PLPPR1: variants seen among roughly 807,000 people sequenced by gnomAD.
PLPPR1 encodes the protein phospholipid phosphatase related 1.
In PLPPR1, 10 loss-of-function variants were observed where a neutral mutation model predicts 33.1. The observed-to-expected ratio is 0.30, with a 90% confidence interval of 0.19 to 0.51. The LOEUF (loss-of-function observed/expected upper bound fraction) is 0.51, where lower values mean the gene tolerates loss of function less well. PLPPR1 is among the 20% of genes least tolerant of loss of function. PLPPR1 has a pLI of 0.97. For synonymous variants in PLPPR1, 151 were observed against 151.0 expected, an observed-to-expected ratio of 1.00 and a Z score of 0.00; for missense variants, 304 against 408.1, an observed-to-expected ratio of 0.74 and a Z score of 2.20.
chr9:101,093,643 A>G (rs1830778043), intron 1 of PLPPR1, among the ~76,000 whole-genome samples: 1 of 152,204 alleles, frequency 6.6e-6, no homozygotes, highest in African/African-American at 2.4e-5. Context: ...ATTTTCATCC[A>G]TCTACTCAAC....
intron 3 of PLPPR1, among the ~76,000 whole-genome samples, chr9:101,274,698 C>T (rs1323918353): frequency 2.0e-5 from 3 of 152,148 alleles, no homozygotes; most frequent in Non-Finnish European, 2.9e-5. Context: ...TTGCAGCTCC[C>T]AAGTGCCCAC....
At chr9:101,149,238 T>C (rs1208003167) in intron 1 of PLPPR1, among the ~76,000 whole-genome samples, 3 of 152,176 alleles carry the variant, frequency 2.0e-5, no homozygotes, top group Non-Finnish European at 2.9e-5. Context: ...ACATCCAGAA[T>C]TAAGTAAAGC....
intron 1 of PLPPR1, among the ~76,000 whole-genome samples, chr9:101,150,904 C>A (rs1831576259): frequency 6.6e-6 from 1 of 151,994 alleles, no homozygotes; most frequent in South Asian, 2.1e-4. Flanking sequence ...GTTCTCGGTG[C>A]AGTCTGCTTT....
chr9:101,290,741 G>T (rs958971728), intron 4 of PLPPR1, among the ~76,000 whole-genome samples: 12 of 152,120 alleles, frequency 7.9e-5, no homozygotes, highest in African/African-American at 2.9e-4. Context: ...ATTTTTCATG[G>T]AGAATATTCA....
chr9:101,157,074 T>C (rs1216357096), intron 1 of PLPPR1, among the ~76,000 whole-genome samples: 2 of 152,214 alleles, frequency 1.3e-5, no homozygotes, highest in Non-Finnish European at 2.9e-5. Context: ...TATTATACCA[T>C]GTGAAGGAGC....
rs1831114841 is a variant in PLPPR1, at chr9:101,116,103, A to T, written c.-45-69347A>T. The stretch of plus-strand genomic sequence containing the variant: ...ATGTCAGTTTCATCTAGAAAATCCA[A>T]TAAATAGCTATAGAGTACTGACTGT... On this transcript the variant is annotated intron_variant, in intron 1 of 7. Transcript: ENST00000374874. 2.0e-5 allele frequency among the ~76,000 whole-genome samples: 3 copies of T among 152,224 alleles called. No individual in the cohort carries two copies. In the South Asian group the frequency reaches 6.2e-4, roughly 32 times the overall value.
At chr9:101,191,653 C>A (rs890274473) in intron 2 of PLPPR1, among the ~76,000 whole-genome samples, 1 of 152,166 alleles carries the variant, frequency 6.6e-6, no homozygotes. Flanking sequence ...ACAGCTAATA[C>A]CAGGCATATT....
chr9:101,088,234 A>G (rs527510926), intron 1 of PLPPR1, among the ~76,000 whole-genome samples: 1 of 152,330 alleles, frequency 6.6e-6, no homozygotes, highest in South Asian at 2.1e-4. Context: ...TTGAGGACCA[A>G]TAAAGAATTT....
At chr9:101,207,124 G>C (rs1156693139) in intron 2 of PLPPR1, among the ~76,000 whole-genome samples, 4 of 151,582 alleles carry the variant, frequency 2.6e-5, no homozygotes, top group African/African-American at 9.7e-5. Context: ...TTTTTATTGT[G>C]TGTATATATC....
chr9:101,195,123 G>C (rs959302227), intron 2 of PLPPR1, among the ~76,000 whole-genome samples: 1 of 151,998 alleles, frequency 6.6e-6, no homozygotes, highest in Non-Finnish European at 1.5e-5. Context: ...AAGCTTTTAC[G>C]GTCACTCTGG....
At chr9:101,138,153 G>A (rs1045492773) in intron 1 of PLPPR1, among the ~76,000 whole-genome samples, 1 of 152,148 alleles carries the variant, frequency 6.6e-6, no homozygotes, top group Non-Finnish European at 1.5e-5. Flanking sequence ...CCATAATATG[G>A]AAAGTAGGCT....
chr9:101,300,170 AACTT>A (rs1828725899), intron 4 of PLPPR1, among the ~76,000 whole-genome samples: 1 of 152,056 alleles, frequency 6.6e-6, no homozygotes, highest in Admixed American at 6.6e-5. Context: ...TTTTGGAAGC[AACTT>A]ACTTATTTTT....
intron 1 of PLPPR1, among the ~76,000 whole-genome samples, chr9:101,058,712 G>A (rs766723190): frequency 1.3e-5 from 2 of 151,546 alleles, no homozygotes; most frequent in Admixed American, 1.3e-4. Flanking sequence ...GCTTAATTAC[G>A]GGGCAGCCCC....
intron 1 of PLPPR1, among the ~76,000 whole-genome samples, chr9:101,035,323 A>G (rs1829996894): frequency 6.6e-6 from 1 of 152,190 alleles, no homozygotes; most frequent in African/African-American, 2.4e-5. Flanking sequence ...GGTTTGACTC[A>G]TAACTCTGTG....
chr9:101,080,852 A>G (rs1041347154), intron 1 of PLPPR1, among the ~76,000 whole-genome samples: 25 of 152,310 alleles, frequency 1.6e-4, no homozygotes, highest in African/African-American at 6.0e-4. Context: ...TGGAGAAAGA[A>G]CAATGGTAGT....
intron 2 of PLPPR1, 58 bp from the exon 3 acceptor site, chr9:101,269,822 G>A (rs1828061486): frequency 1.3e-6 from 2 of 1,545,756 alleles, no homozygotes; most frequent in South Asian, 2.2e-5. Context: ...TGCTCTGAGG[G>A]GCAAGGGCTG....
At chr9:101,108,575 A>T (rs1218883054) in intron 1 of PLPPR1, among the ~76,000 whole-genome samples, 3 of 152,218 alleles carry the variant, frequency 2.0e-5, no homozygotes, top group Non-Finnish European at 4.4e-5. Flanking sequence ...ATAGACAAGA[A>T]CTGTCCAGGC....
intron 1 of PLPPR1, among the ~76,000 whole-genome samples, chr9:101,083,045 C>T (rs766327868): frequency 2.6e-5 from 4 of 152,070 alleles, no homozygotes; most frequent in East Asian, 1.9e-4. Context: ...AGCTGAGGCC[C>T]GGCCTTTTCT....
At chr9:101,188,436 C>T (rs1255390008) in intron 2 of PLPPR1, among the ~76,000 whole-genome samples, 1 of 151,912 alleles carries the variant, frequency 6.6e-6, no homozygotes, top group Non-Finnish European at 1.5e-5. Flanking sequence ...ACAATTACAT[C>T]ATCTATAAGT....
Sources: allele counts gnomAD v4.1 joint callset (sites outside exome capture counted in the v4.1 genomes callset), GRCh38; gene constraint gnomAD v4.1.1; transcripts MANE v1.5; gene names NCBI Gene and HGNC (gene_info 2026-07-23, HGNC 2026-07-21).